Variants in SOD2 observed in about 807,000 individuals in gnomAD.
SOD2 encodes superoxide dismutase 2, also known as superoxide dismutase [Mn], mitochondrial.
In SOD2, 11 loss-of-function variants were observed where a neutral mutation model predicts 27.0. That is an observed-to-expected ratio of 0.41 (90% CI 0.26 to 0.67). The LOEUF (loss-of-function observed/expected upper bound fraction) is 0.67, where lower values mean the gene tolerates loss of function less well. SOD2 is among the 30% of genes least tolerant of loss of function. The pLI is 0.34. For missense variants in SOD2, 250 were observed against 274.5 expected, an observed-to-expected ratio of 0.91 and a Z score of 0.63; for synonymous variants, 105 against 103.0, an observed-to-expected ratio of 1.02 and a Z score of -0.12.
intron 1 of SOD2, among the ~76,000 whole-genome samples, chr6:159,703,695 T>C (rs112651152): frequency 2.5e-4 from 38 of 152,352 alleles, no homozygotes; most frequent in African/African-American, 8.9e-4. Flanking sequence ...CCCCTATATT[T>C]GATGAGCATC....
At chr6:159,734,761 C>G (rs954920632) in intron 1 of SOD2, among the ~76,000 whole-genome samples, 10 of 152,212 alleles carry the variant, frequency 6.6e-5, no homozygotes, top group Non-Finnish European at 8.8e-5. Context: ...CACTGGTACT[C>G]AGAACCCTGA....
At chr6:159,712,674 C>T (rs1447114774) in intron 1 of SOD2, 2 of 356,670 alleles carry the variant, frequency 5.6e-6, no homozygotes. Flanking sequence ...ACCCTAACCA[C>T]CTCCATAACC....
In SOD2 at chr6:159,711,996, C is replaced by T. The variant is rs1403998755; in HGVS notation, c.-116+15133G>A. Among the ~76,000 whole-genome samples, 271 of 62,702 alleles carry T rather than the reference C, an allele frequency of 4.3e-3. 1 individual carries two copies. The highest frequency in any genetic ancestry group is 5.3e-3 in the South Asian group (8 of 1,504). 41.1% of individuals were successfully genotyped at this position (62,702 alleles called of 152,430 possible). The stretch of plus-strand genomic sequence containing the variant: ...ATAACCACCACTCACACTGCTCAGA[C>T]CTCCATAACCACCTCCATAACCACC... On this transcript the variant is annotated intron_variant, in intron 1 of 2. Transcript: ENST00000401980.
Position 159,672,858 on chromosome 6 carries a change from C to G in SOD2, c.*9635G>C, listed in dbSNP as rs1779698477. The G allele has an allele frequency of 6.6e-6, 1 of 151,910 alleles. No homozygotes were observed. The highest frequency in any genetic ancestry group is 1.5e-5 in the Non-Finnish European group (1 of 68,008). The allele number at this position is 151,910 out of a possible 1,614,324, so 9.4% of individuals were successfully genotyped here. On this transcript the variant is annotated 3_prime_UTR_variant, in exon 5 of 5. Coordinates refer to ENST00000538183, the MANE Select transcript of SOD2 (RefSeq NM_000636.4). ...GTATTCAGGAAACCCATCTCACGTA[C>G]AGAGACACACACACATAGGCTCAAA...
chr6:159,730,465 G>A (rs1219294532), upstream of SOD2, among the ~76,000 whole-genome samples: 2 of 152,076 alleles, frequency 1.3e-5, no homozygotes, highest in Admixed American at 6.6e-5. Context: ...TTGCCCTGGG[G>A]AATACCAAAC....
At chr6:159,706,992 A>T (rs998484319) in intron 1 of SOD2, among the ~76,000 whole-genome samples, 1 of 152,234 alleles carries the variant, frequency 6.6e-6, no homozygotes, top group Non-Finnish European at 1.5e-5. Flanking sequence ...CTTCATGGAA[A>T]CTGAACAACC....
chr6:159,714,563 G>A (rs745425634), intron 1 of SOD2, among the ~76,000 whole-genome samples: 1 of 152,116 alleles, frequency 6.6e-6, no homozygotes, highest in East Asian at 1.9e-4. Context: ...TCGTTTCATC[G>A]CCAGGCGGTA....
At chr6:159,746,004 A>G (rs1779554661), upstream of SOD2, among the ~76,000 whole-genome samples, 1 of 152,220 alleles carries the variant, frequency 6.6e-6, no homozygotes, top group African/African-American at 2.4e-5. Context: ...TCCTACAAAG[A>G]TCAAATTTTA....
At chr6:159,756,079 T>A (rs1438082451) in intron 1 of SOD2, 2 of 153,804 alleles carry the variant, frequency 1.3e-5, no homozygotes, top group Non-Finnish European at 2.9e-5. Context: ...TACAGTAGTT[T>A]TTTATCACTA....
upstream of SOD2, among the ~76,000 whole-genome samples, chr6:159,694,785 G>A (rs1447860360): frequency 3.4e-5 from 5 of 147,230 alleles, no homozygotes; most frequent in African/African-American, 1.3e-4. Context: ...TGTATTTTTG[G>A]TAGAGACGGG....
At chr6:159,729,246 ACG>A (rs1778416515), upstream of SOD2, among the ~76,000 whole-genome samples, 2 of 150,660 alleles carry the variant, frequency 1.3e-5, no homozygotes, top group African/African-American at 2.5e-5. Context: ...TCAAAATTGT[ACG>A]TTAGTTAGTA....
At chr6:159,682,673 A>G in intron 4 of SOD2, 35 bp from the exon 5 acceptor site, 1 of 1,589,402 alleles carries the variant, frequency 6.3e-7, no homozygotes, top group Non-Finnish European at 8.6e-7. Context: ...ACCAACCATC[A>G]GTTTCAGTCT....
intron 1 of SOD2, among the ~76,000 whole-genome samples, chr6:159,704,281 G>C (rs770558713): frequency 4.6e-5 from 7 of 152,202 alleles, no homozygotes; most frequent in Non-Finnish European, 1.0e-4. Context: ...AGTGGGTGGA[G>C]GACAGTGGGT....
chr6:159,690,684 A>G (rs1372341711), intron 2 of SOD2, among the ~76,000 whole-genome samples: 1 of 152,166 alleles, frequency 6.6e-6, no homozygotes, highest in African/African-American at 2.4e-5. Context: ...AAATAGATGT[A>G]ACTTTTCTAT....
chr6:159,740,816 C>T (rs1392098061), intron 1 of SOD2, among the ~76,000 whole-genome samples: 1 of 151,858 alleles, frequency 6.6e-6, no homozygotes, highest in African/African-American at 2.4e-5. Flanking sequence ...GTTCTCCTGC[C>T]TCAGCCTCCC....
chr6:159,690,155 CGT>C (rs1780384503), intron 2 of SOD2, among the ~76,000 whole-genome samples: 1 of 151,464 alleles, frequency 6.6e-6, no homozygotes. Context: ...GGCGTGGTGG[CGT>C]ACGCCTGTAA....
At chr6:159,692,371 A>T in intron 2 of SOD2, 1 of 1,282,356 alleles carries the variant, frequency 7.8e-7, no homozygotes, top group South Asian at 2.7e-5. Context: ...ACAATTCACC[A>T]GTGCTGGCAA....
Position 159,738,963 on chromosome 6 carries a change from A to G in SOD2, c.-116+6167T>C, listed in dbSNP as rs772113538. 5 of 1,580,852 alleles carry G rather than the reference A, an allele frequency of 3.2e-6. No individual in the cohort carries two copies. In the East Asian group the frequency reaches 1.1e-4, roughly 36 times the overall value. On this transcript the variant is annotated intron_variant, in intron 1 of 3. Coordinates refer to the SOD2 transcript ENST00000537657. ...ACTTTGTGTCTTCAGGAAGAACACT[A>G]AATTCATATTGTAATTCTCTTTATA... is the stretch of plus-strand genomic sequence containing the variant.
At chr6:159,695,140 A>C (rs1327275118), upstream of SOD2, among the ~76,000 whole-genome samples, 2 of 152,124 alleles carry the variant, frequency 1.3e-5, no homozygotes, top group African/African-American at 4.8e-5. Context: ...CTGGAAGAAA[A>C]GGGCATTTTG....
Sources: gnomAD v4.1 joint callset for allele counts (sites outside exome capture counted in the v4.1 genomes callset) on GRCh38, gnomAD v4.1.1 for gene constraint, MANE v1.5 for transcripts, NCBI Gene and HGNC (gene_info 2026-07-23, HGNC 2026-07-21) for gene names.